USH2A: variants seen among roughly 807,000 people sequenced by gnomAD.
The protein encoded by USH2A is Usher syndrome 2A (autosomal recessive, mild).
Under a neutral mutation model 538.9 loss-of-function variants are expected in USH2A, and 443 were observed. That is an observed-to-expected ratio of 0.82 (90% CI 0.76 to 0.89). The LOEUF (loss-of-function observed/expected upper bound fraction) is 0.89. USH2A is among the 40% of genes least tolerant of loss of function. The probability of loss-of-function intolerance (pLI) is 0.00; values close to 1 mark genes in which losing one functional copy is unlikely to be tolerated. For synonymous variants in USH2A, 2,413 were observed against 2,273.5 expected (o/e 1.06, Z -1.75); for missense variants, 6,633 against 6,324.8 (o/e 1.05, Z -1.65).
In USH2A at chr1:215,813,922, G is replaced by GATTTTAAAGA. The variant is rs1662778630; in HGVS notation, c.9571-19_9571-18insTCTTTAAAAT. The GATTTTAAAGA allele has an allele frequency of 6.2e-7, 1 of 1,612,938 alleles. No individual in the cohort carries two copies. Among genetic ancestry groups the GATTTTAAAGA allele is most frequent in the Non-Finnish European group, 8.5e-7 (1 of 1,179,428 alleles). ...CAACAAACCTGAAAGTTTGAAAACA[G>GATTTTAAAGA]TTTTAAAGAAATATCAGTTTAGTTA... On this transcript the variant is annotated intron_variant, in intron 48 of 71. Coordinates refer to ENST00000307340, the MANE Select transcript of USH2A (RefSeq NM_206933.4).
chr1:215,706,421 TA>T (rs1659185302), intron 61 of USH2A, among the ~76,000 whole-genome samples: 2 of 152,128 alleles, frequency 1.3e-5, no homozygotes, highest in African/African-American at 4.8e-5. Flanking sequence ...GCTTTTCAAA[TA>T]AAAACAACTC....
intron 4 of USH2A, among the ~76,000 whole-genome samples, chr1:216,345,301 T>C (rs2038153581): frequency 6.6e-6 from 1 of 152,010 alleles, no homozygotes. Context: ...TTGAGCCTTG[T>C]TAGTTTGATA....
intron 32 of USH2A, among the ~76,000 whole-genome samples, chr1:216,003,102 CTATAA>C (rs1420684292): frequency 2.0e-5 from 3 of 152,010 alleles, no homozygotes; most frequent in Non-Finnish European, 2.9e-5. Context: ...GTGTCCGTTT[CTATAA>C]CAACTGGGAC....
chr1:216,369,380 T>C (rs2038659711), intron 3 of USH2A, among the ~76,000 whole-genome samples: 1 of 152,114 alleles, frequency 6.6e-6, no homozygotes, highest in Admixed American at 6.6e-5. Flanking sequence ...TTTTCCTCAC[T>C]CATCTCACCC....
chr1:215,630,232 A>G, intron 70 of USH2A: 1 of 459,966 alleles, frequency 2.2e-6, no homozygotes. Context: ...ATTGCTTGAC[A>G]CATCAGATAT....
At chr1:216,034,258 A>G (rs1036836548) in intron 32 of USH2A, among the ~76,000 whole-genome samples, 1 of 152,176 alleles carries the variant, frequency 6.6e-6, no homozygotes, top group East Asian at 1.9e-4. Context: ...CACAGACACC[A>G]AGAGAAGAAT....
intron 55 of USH2A, among the ~76,000 whole-genome samples, chr1:215,776,756 A>G (rs914220476): frequency 6.6e-5 from 10 of 152,224 alleles, no homozygotes; most frequent in African/African-American, 2.4e-4. Flanking sequence ...CATGAACTCA[A>G]TAAAACAGTC....
intron 3 of USH2A, among the ~76,000 whole-genome samples, chr1:216,404,198 T>C (rs1188119522): frequency 6.6e-6 from 1 of 152,100 alleles, no homozygotes; most frequent in Non-Finnish European, 1.5e-5. Context: ...GAGGACTCAA[T>C]ATAGTAAAAG....
intron 32 of USH2A, among the ~76,000 whole-genome samples, chr1:216,032,814 C>T (rs1669158703): frequency 6.6e-6 from 1 of 152,126 alleles, no homozygotes; most frequent in Non-Finnish European, 1.5e-5. Context: ...GAAACAGGGA[C>T]CTTGGCCTTA....
intron 49 of USH2A, among the ~76,000 whole-genome samples, chr1:215,805,140 G>C (rs553331941): frequency 1.3e-5 from 2 of 152,160 alleles, no homozygotes; most frequent in East Asian, 3.9e-4. Flanking sequence ...GTTGTGGGGT[G>C]GGGAGATGGG....
intron 44 of USH2A, among the ~76,000 whole-genome samples, chr1:215,865,892 C>T (rs1291354656): frequency 2.6e-5 from 4 of 152,140 alleles, no homozygotes; most frequent in African/African-American, 7.2e-5. Flanking sequence ...GGCTTTAATT[C>T]ACAATTGATA....
chr1:215,655,797 G>A (rs1388879329), intron 64 of USH2A, among the ~76,000 whole-genome samples: 3 of 142,754 alleles, frequency 2.1e-5, no homozygotes, highest in Non-Finnish European at 3.0e-5. Context: ...ATGGAGTGGC[G>A]CGATCTCGAC....
At chr1:216,204,053 T>C (rs2035057959) in intron 16 of USH2A, 1 of 162,324 alleles carries the variant, frequency 6.2e-6, no homozygotes, top group Non-Finnish European at 1.5e-5. Context: ...GTCTCTAATC[T>C]GACTTTCATC....
intron 21 of USH2A, among the ~76,000 whole-genome samples, chr1:216,154,877 C>T (rs1029647269): frequency 2.0e-5 from 3 of 149,134 alleles, no homozygotes; most frequent in Non-Finnish European, 3.0e-5. Flanking sequence ...TGAATGTAGG[C>T]GCAATGCGTA....
intron 30 of USH2A, among the ~76,000 whole-genome samples, chr1:216,052,645 G>A (rs1287729256): frequency 6.6e-6 from 1 of 152,180 alleles, no homozygotes; most frequent in Non-Finnish European, 1.5e-5. Flanking sequence ...GGTTCACTGT[G>A]CTTTCTCCTC....
chr1:216,406,917 A>G (rs2039406198), intron 3 of USH2A, among the ~76,000 whole-genome samples: 1 of 152,120 alleles, frequency 6.6e-6, no homozygotes, highest in Non-Finnish European at 1.5e-5. Flanking sequence ...ATTACCTACT[A>G]TACATCCATA....
intron 61 of USH2A, among the ~76,000 whole-genome samples, chr1:215,709,080 TA>T (rs1341478097): frequency 6.6e-6 from 1 of 152,148 alleles, no homozygotes; most frequent in Non-Finnish European, 1.5e-5. Flanking sequence ...GCATGAGGTA[TA>T]AACATGAATG....
chr1:216,088,717 G>T (rs544667511), intron 23 of USH2A, among the ~76,000 whole-genome samples: 280 of 152,140 alleles, frequency 1.8e-3, no homozygotes, highest in Non-Finnish European at 3.4e-3. Context: ...GTGTTTTTTG[G>T]AAGTCAAAAG....
rs780755913 is a variant in USH2A at position 215,728,092 on chromosome 1, A to G, written c.12004T>C (p.Tyr4002His). The G allele has an allele frequency of 1.2e-6, 2 of 1,614,090 alleles. No homozygotes were observed. The highest frequency in any genetic ancestry group is 2.2e-5 in the East Asian group (1 of 44,896). Residue 4002 changes from tyrosine to histidine, a missense_variant, in exon 61 of 72, where the codon TAC becomes CAC. By Grantham distance (83) the Tyr-to-His change is moderately conservative. Coordinates refer to ENST00000307340, the MANE Select transcript of USH2A (RefSeq NM_206933.4). ...NGIISHYRVV[Y>H]QERPDDPTFN... ...GTAGGATCGTCGGGTCTCTCCTGGTAGACCACACGGTAATGGGAGATAATG... is the reference window on the plus strand; with the variant it reads ...GTAGGATCGTCGGGTCTCTCCTGGTGGACCACACGGTAATGGGAGATAATG...
Sources: allele counts gnomAD v4.1 joint callset (sites outside exome capture counted in the v4.1 genomes callset), GRCh38; gene constraint gnomAD v4.1.1; transcripts MANE v1.5; gene names NCBI Gene and HGNC (gene_info 2026-07-23, HGNC 2026-07-21).